The following REXO5 variants were observed in gnomAD, a reference collection of about 807,000 sequenced individuals.
REXO5 encodes exonuclease NEF-sp.
Under a neutral mutation model 88.5 loss-of-function variants are expected in REXO5, and 48 were observed. The ratio of observed to expected loss-of-function variants is 0.54; its 90% CI spans 0.43 to 0.69. The LOEUF is 0.69. Among genes scored for constraint, REXO5 ranks in the 30% least tolerant of loss-of-function variants. The probability of loss-of-function intolerance (pLI) is 0.00; values close to 1 mark genes in which losing one functional copy is unlikely to be tolerated. For missense variants in REXO5, 749 were observed against 912.2 expected, an observed-to-expected ratio of 0.82 and a Z score of 2.30; for synonymous variants, 311 against 336.5, an observed-to-expected ratio of 0.92 and a Z score of 0.83.
chr16:20,847,035 T>A (rs1048593688), intron 19 of REXO5, among the ~76,000 whole-genome samples: 1 of 152,118 alleles, frequency 6.6e-6, no homozygotes. Context: ...GAGTGTATAT[T>A]GGGGAAGGGA....
intron 13 of REXO5, among the ~76,000 whole-genome samples, chr16:20,838,509 C>A (rs2081473807): frequency 6.6e-6 from 1 of 152,104 alleles, no homozygotes; most frequent in Non-Finnish European, 1.5e-5. Flanking sequence ...AGGGGAAGAC[C>A]TTCACCAATC....
At chr16:20,840,672 G>A (rs1201194273) in intron 15 of REXO5, among the ~76,000 whole-genome samples, 1 of 152,134 alleles carries the variant, frequency 6.6e-6, no homozygotes, top group East Asian at 1.9e-4. Context: ...TGTGTTTAAA[G>A]AATTGAGAAA....
At chr16:20,810,987 C>T (rs1271481404) in intron 2 of REXO5, among the ~76,000 whole-genome samples, 2 of 152,188 alleles carry the variant, frequency 1.3e-5, no homozygotes, top group Non-Finnish European at 2.9e-5. Context: ...AGCATTGATG[C>T]CCTCCTTACC....
intron 2 of REXO5, among the ~76,000 whole-genome samples, chr16:20,810,116 A>T (rs1049707074): frequency 6.6e-6 from 1 of 152,206 alleles, no homozygotes; most frequent in Non-Finnish European, 1.5e-5. Flanking sequence ...TCCCTGCCCC[A>T]AGCCTGGAAT....
chr16:20,830,885 T>A (rs2081331454), intron 11 of REXO5, among the ~76,000 whole-genome samples: 1 of 152,036 alleles, frequency 6.6e-6, no homozygotes, highest in African/African-American at 2.4e-5. Context: ...GGTTACAATA[T>A]CTATCAACAT....
chr16:20,830,567 T>C (rs185965512), intron 11 of REXO5, among the ~76,000 whole-genome samples: 4 of 152,278 alleles, frequency 2.6e-5, no homozygotes, highest in African/African-American at 7.2e-5. Context: ...CCCAAAGCAC[T>C]ATCTCCCCAA....
Position 20,846,235 on chromosome 16 carries a change from C to T in REXO5, c.2139C>T (p.Asp713=), listed in dbSNP as rs144044357. ...TTTGATCCCAGACTCTGAAACTGGA[C>T]CACCCGAAGATAGCAGCCTGGCGCT... The part of the protein sequence containing the change: ...EQEALQTLKL[D]HPKIAAWRWS... The change falls in exon 19 of 20, where the codon GAC becomes GAT. Residue 713 remains aspartate (D), a synonymous_variant. Transcript: ENST00000261377. 6.5e-4 allele frequency: 1,057 copies of T among 1,613,910 alleles called. 1 individual carries two copies. Among genetic ancestry groups the T allele is most frequent in the Admixed American group, 1.4e-3 (83 of 60,018 alleles).
In REXO5 at chr16:20,849,412, C is replaced by T; in HGVS notation, c.2257C>T (p.Leu753Phe). Reference protein sequence around the residue: ...LPGTKSTHGSLSGLGLMGIKE... With the variant: ...LPGTKSTHGSFSGLGLMGIKE... ...TATTTATTGCAGCACTCATGGTTCA[C>T]TCTCTGGTCTAGGACTGATGGGAAT... is the stretch of plus-strand genomic sequence containing the variant. Residue 753 changes from leucine to phenylalanine, a missense_variant, in exon 20 of 20, where the codon CTC becomes TTC. Transcript: ENST00000261377. The T allele has an allele frequency of 6.2e-7, 1 of 1,613,928 alleles. No homozygotes were observed. Among genetic ancestry groups the T allele is most frequent in the Non-Finnish European group, 8.5e-7 (1 of 1,179,822 alleles).
At chr16:20,833,262 T>C (rs1040977044) in intron 13 of REXO5, 139 bp downstream of exon 13, 20 of 861,632 alleles carry the variant, frequency 2.3e-5, no homozygotes, top group African/African-American at 1.4e-4. Flanking sequence ...TCTCACATCT[T>C]GTATGGAGTA....
intron 13 of REXO5, 98 bp downstream of exon 13, chr16:20,833,221 C>A (rs772525316): frequency 8.5e-6 from 11 of 1,299,408 alleles, no homozygotes; most frequent in Non-Finnish European, 1.1e-5. Context: ...TCATCAGCAA[C>A]CCTGGCTACA....
chr16:20,816,348 G>T, intron 5 of REXO5, 136 bp downstream of exon 5: 1 of 648,702 alleles, frequency 1.5e-6, no homozygotes, highest in South Asian at 2.1e-5. Flanking sequence ...TTGAAACGGG[G>T]GTCTCACTCT....
intron 3 of REXO5, among the ~76,000 whole-genome samples, chr16:20,813,764 A>T (rs1191787083): frequency 6.6e-6 from 1 of 152,226 alleles, no homozygotes; most frequent in Non-Finnish European, 1.5e-5. Context: ...TTTACAAATA[A>T]AAGGCAAAGA....
intron 11 of REXO5, among the ~76,000 whole-genome samples, chr16:20,831,155 A>G (rs2081338430): frequency 6.6e-6 from 1 of 152,110 alleles, no homozygotes; most frequent in African/African-American, 2.4e-5. Flanking sequence ...TTTATGGAAA[A>G]AAGAATTTTC....
chr16:20,839,648 A>G (rs1197438758), intron 13 of REXO5, 107 bp from the exon 14 acceptor site: 1 of 614,540 alleles, frequency 1.6e-6, no homozygotes, highest in East Asian at 2.8e-5. Flanking sequence ...ATTACCTTTC[A>G]GTATGCGTAA....
chr16:20,812,501 G>T (rs2081015228), intron 2 of REXO5, among the ~76,000 whole-genome samples: 1 of 152,066 alleles, frequency 6.6e-6, no homozygotes, highest in Non-Finnish European at 1.5e-5. Flanking sequence ...CTCCATCCTG[G>T]GTGACAGAGT....
At chr16:20,813,806 C>T (rs1478581165) in intron 3 of REXO5, among the ~76,000 whole-genome samples, 4 of 152,092 alleles carry the variant, frequency 2.6e-5, no homozygotes, top group Non-Finnish European at 5.9e-5. Context: ...CAGTTATAAT[C>T]CCAGCACTTT....
In REXO5 at chr16:20,844,596, T is replaced by A. The variant is rs1036604186; in HGVS notation, c.1720-33T>A. ...CAATAGGCCTGAGGATTAAATTGAT[T>A]TTCTACCACTAACACCAACTTTCCT... On this transcript the variant is annotated intron_variant, in intron 16 of 19. Transcript: ENST00000261377. 3 of 1,598,478 alleles carry A rather than the reference T, an allele frequency of 1.9e-6. No homozygotes were observed. In the East Asian group the frequency reaches 6.7e-5, roughly 36 times the overall value.
At chr16:20,839,690 C>A in intron 13 of REXO5, 65 bp from the exon 14 acceptor site, 2 of 1,022,150 alleles carry the variant, frequency 2.0e-6, no homozygotes, top group Non-Finnish European at 2.9e-6. Flanking sequence ...TATTGTGGCT[C>A]ATATCCAGGA....
chr16:20,840,759 G>A (rs2152511451), intron 15 of REXO5, among the ~76,000 whole-genome samples: 2 of 152,192 alleles, frequency 1.3e-5, no homozygotes, highest in African/African-American at 4.8e-5. Context: ...CTTGAGCCCA[G>A]GAGTTCAAGA....
Sources: gnomAD v4.1 joint callset for allele counts (sites outside exome capture counted in the v4.1 genomes callset) on GRCh38, gnomAD v4.1.1 for gene constraint, MANE v1.5 for transcripts, NCBI Gene and HGNC (gene_info 2026-07-23, HGNC 2026-07-21) for gene names.